ESRRG: variants seen among roughly 807,000 people sequenced by gnomAD.
ESRRG encodes the protein estrogen-related receptor gamma.
ESRRG carries 13 observed loss-of-function variants against 44.0 expected under a neutral mutation model. The ratio of observed to expected loss-of-function variants is 0.30; its 90% confidence interval spans 0.19 to 0.47. The LOEUF is 0.47. Ranked by LOEUF, ESRRG falls within the 20% of genes least tolerant of loss-of-function variation. The pLI is 1.00. For missense variants in ESRRG, 395 were observed against 580.6 expected, an observed-to-expected ratio of 0.68 and a Z score of 3.29; for synonymous variants, 215 against 214.6, an observed-to-expected ratio of 1.00 and a Z score of -0.02.
In ESRRG at chr1:216,869,016, T is replaced by A. The variant is rs79031969; in HGVS notation, c.-14+70566A>T. ...CAAATATTTCCTCTCAGCAAGAGAA[T>A]TGTCCTCTCATTTTCTTAATAGTGA... is the stretch of plus-strand genomic sequence containing the variant. On this transcript the variant is annotated intron_variant, in intron 2 of 7. Transcript: ENST00000359162. Among the ~76,000 whole-genome samples, 3 of 152,284 alleles carry A rather than the reference T, an allele frequency of 2.0e-5. No individual in the cohort carries two copies. The South Asian group carries it at 6.2e-4, about 32-fold the overall frequency.
chr1:217,047,750 G>A (rs1268629327), intron 1 of ESRRG, among the ~76,000 whole-genome samples: 1 of 152,142 alleles, frequency 6.6e-6, no homozygotes, highest in African/African-American at 2.4e-5. Context: ...TGACTTGCTT[G>A]ATCTCTGTAG....
chr1:216,870,253 CT>C (rs35814014), intron 2 of ESRRG, among the ~76,000 whole-genome samples: 23,560 of 133,232 alleles, frequency 0.18, 1,988 homozygotes, highest in African/African-American at 0.21. Context: ...TGTCAATGTG[CT>C]TTTTTTTTTT....
At chr1:217,113,547 C>T (rs111806719) in intron 1 of ESRRG, among the ~76,000 whole-genome samples, 8 of 152,274 alleles carry the variant, frequency 5.3e-5, no homozygotes, top group Admixed American at 4.6e-4. Context: ...TGACAAAATC[C>T]TGAACCTTAA....
chr1:216,679,200 G>A (rs1220535657), intron 1 of ESRRG, among the ~76,000 whole-genome samples: 1 of 152,126 alleles, frequency 6.6e-6, no homozygotes, highest in Non-Finnish European at 1.5e-5. Context: ...AAGAACTAGC[G>A]AAAGAAAAAA....
chr1:216,791,925 T>C (rs1191691720), intron 2 of ESRRG, among the ~76,000 whole-genome samples: 1 of 152,144 alleles, frequency 6.6e-6, no homozygotes, highest in African/African-American at 2.4e-5. Context: ...TTCCTTTTTT[T>C]CTTTTCTTTT....
intron 2 of ESRRG, among the ~76,000 whole-genome samples, chr1:216,848,267 C>A (rs1378675897): frequency 6.6e-6 from 1 of 152,096 alleles, no homozygotes; most frequent in East Asian, 1.9e-4. Context: ...ATGAAGAAAG[C>A]AATGCAGCCC....
chr1:216,884,963 A>G (rs574351743), intron 2 of ESRRG, among the ~76,000 whole-genome samples: 1 of 152,278 alleles, frequency 6.6e-6, no homozygotes, highest in African/African-American at 2.4e-5. Context: ...ATTATGGAAC[A>G]GGAAATAGGA....
intron 1 of ESRRG, chr1:217,000,430 G>T (rs1409391113): frequency 6.6e-6 from 1 of 152,110 alleles, no homozygotes; most frequent in Admixed American, 6.5e-5. Context: ...TTCTCCCCTT[G>T]TCCCTGTGTC....
intron 2 of ESRRG, among the ~76,000 whole-genome samples, chr1:216,812,493 A>G (rs530283441): frequency 4.5e-4 from 69 of 152,190 alleles, no homozygotes; most frequent in Non-Finnish European, 9.0e-4. Context: ...TGGCAAAAAA[A>G]AAGAATAACT....
intron 5 of ESRRG, among the ~76,000 whole-genome samples, chr1:216,547,990 G>A (rs903699895): frequency 1.3e-5 from 2 of 152,092 alleles, no homozygotes; most frequent in African/African-American, 2.4e-5. Flanking sequence ...CCTGGCAATT[G>A]CTGCTATATA....
chr1:216,936,390 AT>A (rs2064152677), intron 2 of ESRRG, among the ~76,000 whole-genome samples: 1 of 152,106 alleles, frequency 6.6e-6, no homozygotes, highest in Non-Finnish European at 1.5e-5. Context: ...TCACAAGCAT[AT>A]TACCATTAAC....
At chr1:216,519,024 T>G (rs1388209146) in intron 6 of ESRRG, 128 bp downstream of exon 6, 2 of 718,594 alleles carry the variant, frequency 2.8e-6, no homozygotes, top group East Asian at 2.7e-5. Context: ...AAAGCTATAC[T>G]GATTATAATT....
intron 2 of ESRRG, among the ~76,000 whole-genome samples, chr1:216,938,132 T>G (rs2064478201): frequency 6.6e-6 from 1 of 152,196 alleles, no homozygotes; most frequent in Admixed American, 6.5e-5. Context: ...CTATTGATTT[T>G]TCAAATCAAA....
At chr1:216,547,403 A>T (rs1005540026) in intron 5 of ESRRG, among the ~76,000 whole-genome samples, 4 of 151,918 alleles carry the variant, frequency 2.6e-5, no homozygotes, top group South Asian at 2.1e-4. Flanking sequence ...TTACTGCCAA[A>T]TTTTTTCCAT....
chr1:217,126,247 G>A (rs1289342783), intron 1 of ESRRG, among the ~76,000 whole-genome samples: 6 of 152,048 alleles, frequency 3.9e-5, no homozygotes, highest in Non-Finnish European at 7.4e-5. Flanking sequence ...CCACCCCGTA[G>A]CACCATGTAG....
intron 1 of ESRRG, among the ~76,000 whole-genome samples, chr1:216,992,761 G>A (rs1208726915): frequency 6.6e-6 from 1 of 152,130 alleles, no homozygotes; most frequent in African/African-American, 2.4e-5. Context: ...CAAAGCTCAT[G>A]CAGGCTTAAT....
At chr1:216,991,647 G>C (rs1182575335) in intron 1 of ESRRG, among the ~76,000 whole-genome samples, 1 of 141,578 alleles carries the variant, frequency 7.1e-6, no homozygotes, top group Non-Finnish European at 1.6e-5. Flanking sequence ...GGGATGGGAT[G>C]GGATGGGATG....
chr1:216,980,222 T>G (rs1192091466), intron 1 of ESRRG, among the ~76,000 whole-genome samples: 1 of 152,192 alleles, frequency 6.6e-6, no homozygotes, highest in Non-Finnish European at 1.5e-5. Flanking sequence ...AATGGTAACT[T>G]TGGTCAGTAA....
chr1:216,734,642 G>A (rs1164621568), intron 2 of ESRRG, among the ~76,000 whole-genome samples: 2 of 152,146 alleles, frequency 1.3e-5, no homozygotes, highest in East Asian at 1.9e-4. Flanking sequence ...AAAATAAACC[G>A]CTTTTCTTTA....
Sources: allele counts gnomAD v4.1 joint callset (sites outside exome capture counted in the v4.1 genomes callset), GRCh38; gene constraint gnomAD v4.1.1; transcripts MANE v1.5; gene names NCBI Gene and HGNC (gene_info 2026-07-23, HGNC 2026-07-21).